ATP2C2: variants seen among roughly 807,000 people sequenced by gnomAD.
The protein encoded by ATP2C2 is calcium-transporting ATPase type 2C member 2.
A neutral mutation model predicts 110.8 loss-of-function variants in ATP2C2; 171 were observed. That is an observed-to-expected ratio of 1.54 (90% CI 1.36 to 1.75). The LOEUF (loss-of-function observed/expected upper bound fraction) is 1.75. ATP2C2 is among the 40% of genes most tolerant of loss of function. ATP2C2 has a pLI of 0.00. For missense variants in ATP2C2, 1,963 were observed against 1,235.0 expected, an observed-to-expected ratio of 1.59 and a Z score of -8.84; for synonymous variants, 804 against 508.4, an observed-to-expected ratio of 1.58 and a Z score of -7.82.
intron 2 of ATP2C2, among the ~76,000 whole-genome samples, chr16:84,398,964 T>G (rs1905155397): frequency 6.6e-6 from 1 of 152,240 alleles, no homozygotes; most frequent in East Asian, 1.9e-4. Context: ...CAGCCCAGCG[T>G]GGAGTCCAGC....
intron 1 of ATP2C2, among the ~76,000 whole-genome samples, chr16:84,375,960 G>A (rs189080528): frequency 7.9e-5 from 12 of 152,124 alleles, no homozygotes; most frequent in Non-Finnish European, 1.6e-4. Context: ...CTCGGTGGGG[G>A]TAGCTGGGTG....
chr16:84,386,900 G>A (rs1218042263), intron 1 of ATP2C2, among the ~76,000 whole-genome samples: 1 of 143,360 alleles, frequency 7.0e-6, no homozygotes, highest in African/African-American at 2.6e-5. Context: ...TGCATTTAGG[G>A]TTTTTGTTTG....
At chr16:84,377,872 T>C (rs1174737421) in intron 1 of ATP2C2, among the ~76,000 whole-genome samples, 1 of 152,066 alleles carries the variant, frequency 6.6e-6, no homozygotes, top group Non-Finnish European at 1.5e-5. Context: ...TCTGGAAATG[T>C]TTATCACCTC....
chr16:84,397,606 T>C (rs1371373752), intron 1 of ATP2C2, among the ~76,000 whole-genome samples: 1 of 132,870 alleles, frequency 7.5e-6, no homozygotes, highest in Non-Finnish European at 1.5e-5. Context: ...CCTGGGAGGT[T>C]GAGGCTGCAG....
At chr16:84,454,142 T>A (rs1910573855) in intron 20 of ATP2C2, among the ~76,000 whole-genome samples, 1 of 150,226 alleles carries the variant, frequency 6.7e-6, no homozygotes, top group Non-Finnish European at 1.5e-5. Context: ...TTTACTCAAC[T>A]CCGTGCCTCC....
chr16:84,451,296 C>A (rs1162409911), intron 17 of ATP2C2, among the ~76,000 whole-genome samples: 1 of 152,088 alleles, frequency 6.6e-6, no homozygotes, highest in African/African-American at 2.4e-5. Context: ...TGGGTCCCTC[C>A]CACAACACGT....
At chr16:84,397,255 T>C (rs1905042900) in intron 1 of ATP2C2, among the ~76,000 whole-genome samples, 1 of 151,758 alleles carries the variant, frequency 6.6e-6, no homozygotes, top group African/African-American at 2.4e-5. Context: ...GTGCTGGGAC[T>C]TCCAGAACTT....
At chr16:84,378,818 C>G (rs1266458130) in intron 1 of ATP2C2, among the ~76,000 whole-genome samples, 3 of 152,202 alleles carry the variant, frequency 2.0e-5, no homozygotes, top group Non-Finnish European at 4.4e-5. Flanking sequence ...CTGCCGTGGA[C>G]ACACGAAGCC....
At chr16:84,401,532 T>A in intron 2 of ATP2C2, among the ~76,000 whole-genome samples, 1 of 152,190 alleles carries the variant, frequency 6.6e-6, no homozygotes, top group Non-Finnish European at 1.5e-5. Context: ...GGGTGAAATT[T>A]CACTCTCCTG....
intron 1 of ATP2C2, among the ~76,000 whole-genome samples, chr16:84,384,170 C>T (rs1388855210): frequency 6.6e-6 from 1 of 152,202 alleles, no homozygotes; most frequent in Non-Finnish European, 1.5e-5. Flanking sequence ...CATGACCATC[C>T]AGTCCACAAG....
intron 11 of ATP2C2, among the ~76,000 whole-genome samples, chr16:84,437,458 G>A (rs1003991418): frequency 5.9e-5 from 9 of 152,248 alleles, no homozygotes; most frequent in African/African-American, 1.4e-4. Flanking sequence ...TGATCTGCCA[G>A]TGTGATCCTC....
At chr16:84,393,635 A>G (rs1004180824) in intron 1 of ATP2C2, among the ~76,000 whole-genome samples, 8 of 151,922 alleles carry the variant, frequency 5.3e-5, no homozygotes, top group African/African-American at 1.9e-4. Context: ...GGCCCAGAAA[A>G]GAGGTTATGT....
rs368560222 is a variant in ATP2C2 at position 84,452,077 on chromosome 16, C to T, written c.1817C>T (p.Thr606Met). The T allele has an allele frequency of 1.4e-5, 23 of 1,613,906 alleles. No homozygotes were observed. Among genetic ancestry groups the T allele is most frequent in the Non-Finnish European group, 1.9e-5 (22 of 1,179,994 alleles). The change falls in exon 18 of 27, where the codon ACG becomes ATG. Residue 606 changes from threonine (T) to methionine (M), a missense_variant. Thr to Met is a moderately conservative substitution (Grantham distance 81). Coordinates refer to ENST00000262429, the MANE Select transcript of ATP2C2 (RefSeq NM_014861.4). Reference sequence around the variant, plus strand: ...ATGATAACGGGGGATGCCCTGGAGACGGCCTTGGCCATAGGTAACTGGGAC... The same window carrying T: ...ATGATAACGGGGGATGCCCTGGAGATGGCCTTGGCCATAGGTAACTGGGAC... Reference protein sequence around the residue: ...VKMITGDALETALAIGRNIGL... With the variant: ...VKMITGDALEMALAIGRNIGL...
chr16:84,391,325 G>A (rs1017414102), intron 1 of ATP2C2, among the ~76,000 whole-genome samples: 3 of 152,102 alleles, frequency 2.0e-5, no homozygotes, highest in African/African-American at 7.2e-5. Flanking sequence ...CCACAGCCCC[G>A]GGGCAGCTAC....
At chr16:84,458,813 G>C (rs1485703443) in intron 21 of ATP2C2, among the ~76,000 whole-genome samples, 1 of 152,192 alleles carries the variant, frequency 6.6e-6, no homozygotes, top group Non-Finnish European at 1.5e-5. Flanking sequence ...GGGAGTCTGG[G>C]CAGGGATGGG....
chr16:84,394,969 C>T (rs1367967749), intron 1 of ATP2C2, among the ~76,000 whole-genome samples: 1 of 152,146 alleles, frequency 6.6e-6, no homozygotes, highest in African/African-American at 2.4e-5. Context: ...ACAACATTCA[C>T]GTGCGTCAGT....
chr16:84,397,154 C>G lies in ATP2C2; in HGVS notation c.100-1345C>G, dbSNP rs541726803. Reference sequence around the variant, plus strand: ...TGCAAAAATACCTCACACTTTTCCGCTTCTGAGGTCTCCTTTGTATTAGCA... The same window carrying G: ...TGCAAAAATACCTCACACTTTTCCGGTTCTGAGGTCTCCTTTGTATTAGCA... On this transcript the variant is annotated intron_variant, in intron 1 of 26. Coordinates refer to ENST00000262429, the MANE Select transcript of ATP2C2 (RefSeq NM_014861.4). 4.5e-4 allele frequency among the ~76,000 whole-genome samples: 69 copies of G among 151,938 alleles called. 2 individuals are homozygous for G. The highest frequency in any genetic ancestry group is 1.6e-3 in the African/African-American group (67 of 41,228).
Position 84,415,530 on chromosome 16 carries a change from C to T in ATP2C2, c.563C>T (p.Pro188Leu). The change falls in exon 7 of 27, where the codon CCT becomes CTT. Residue 188 changes from proline to leucine, a missense_variant. By Grantham distance (98) the Pro-to-Leu change is moderately conservative. Coordinates refer to ENST00000262429, the MANE Select transcript of ATP2C2 (RefSeq NM_014861.4). ...CACCTGCTTGCTCGAGAACTGGTTC[C>T]TGGTGATGTCGTATCTCTCTCGATC... ...LQHLLARELV[P>L]GDVVSLSIGD... The T allele has an allele frequency of 6.2e-7, 1 of 1,614,154 alleles. No homozygotes were observed. Among genetic ancestry groups the T allele is most frequent in the Non-Finnish European group, 8.5e-7 (1 of 1,180,034 alleles).
At chr16:84,410,787 AC>A in intron 6 of ATP2C2, 22 bp downstream of exon 6, 1 of 1,610,638 alleles carries the variant, frequency 6.2e-7, no homozygotes, top group East Asian at 2.2e-5. Flanking sequence ...CCTCCCTGGG[AC>A]TTTTTGGTTC....
Sources: allele counts gnomAD v4.1 joint callset (sites outside exome capture counted in the v4.1 genomes callset), GRCh38; gene constraint gnomAD v4.1.1; transcripts MANE v1.5; gene names NCBI Gene and HGNC (gene_info 2026-07-23, HGNC 2026-07-21).